The following ZFP1 variants were observed in gnomAD, a reference collection of about 807,000 sequenced individuals.
ZFP1 encodes ZFP1 zinc finger protein.
A neutral mutation model predicts 38.5 loss-of-function variants in ZFP1; 32 were observed. The observed-to-expected ratio is 0.83, with a 90% CI of 0.63 to 1.12. The LOEUF is 1.12. ZFP1 is among the 50% of genes most tolerant of loss of function. The pLI, the probability that ZFP1 is intolerant of heterozygous loss-of-function variation, is 0.00. For missense variants in ZFP1, 616 were observed against 480.8 expected (o/e 1.28, Z -2.63); for synonymous variants, 245 against 168.8 (o/e 1.45, Z -3.50).
the ZFP1 span, among the ~76,000 whole-genome samples, chr16:75,122,489 G>T: frequency 6.6e-6 from 1 of 152,174 alleles, no homozygotes; most frequent in African/African-American, 2.4e-5. Context: ...AAGCTAGGGG[G>T]CAAAGAGAAC....
chr16:75,123,016 A>G, the ZFP1 span, among the ~76,000 whole-genome samples: 1 of 152,204 alleles, frequency 6.6e-6, no homozygotes, highest in Non-Finnish European at 1.5e-5. Flanking sequence ...TTTTGAATCT[A>G]AAGTTAAATA....
chr16:75,161,321 G>C (rs1205646469), intron 2 of ZFP1, among the ~76,000 whole-genome samples: 1 of 151,736 alleles, frequency 6.6e-6, no homozygotes, highest in Non-Finnish European at 1.5e-5. Flanking sequence ...TCCCCGCCTC[G>C]GCCTCTCAAA....
At chr16:75,134,179 T>G in the ZFP1 span, among the ~76,000 whole-genome samples, 1 of 152,222 alleles carries the variant, frequency 6.6e-6, no homozygotes, top group Non-Finnish European at 1.5e-5. Context: ...CGGTGATGGT[T>G]GTGCAATATT....
the ZFP1 span, among the ~76,000 whole-genome samples, chr16:75,130,737 C>G: frequency 6.6e-6 from 1 of 152,098 alleles, no homozygotes; most frequent in Non-Finnish European, 1.5e-5. Context: ...GGAGCCTTCT[C>G]TTGCCCTGTT....
chr16:75,133,281 C>G, the ZFP1 span, among the ~76,000 whole-genome samples: 3 of 151,972 alleles, frequency 2.0e-5, no homozygotes, highest in East Asian at 5.8e-4. Context: ...TGGCCTTTAA[C>G]TTTTATTTTA....
rs1344460386 is a variant in ZFP1, at chr16:75,170,139, G to A, written c.1029G>A (p.Met343Ile). The change falls in exon 4 of 4, where the codon ATG (methionine) becomes ATA (isoleucine). Residue 343 changes from methionine (M) to isoleucine (I), a missense_variant. Met to Ile is a conservative substitution (Grantham distance 10). Coordinates refer to ENST00000570010, the MANE Select transcript of ZFP1 (RefSeq NM_153688.4). Reference sequence around the variant, plus strand: ...AGAACTCACAGCTCATCATACACATGAGAACTCATACAGGAGAGAAACCCT... The same window carrying A: ...AGAACTCACAGCTCATCATACACATAAGAACTCATACAGGAGAGAAACCCT... ...FIQNSQLIIH[M>I]RTHTGEKPYE... is the part of the protein sequence containing the mutation. The A allele has an allele frequency of 6.2e-7, 1 of 1,613,952 alleles. No individual in the cohort carries two copies. Among genetic ancestry groups the A allele is most frequent in the Non-Finnish European group, 8.5e-7 (1 of 1,179,980 alleles).
rs1344293752 is a variant in ZFP1, at chr16:75,161,772, A to ATT, written c.16-4997_16-4996insTT. 3.9e-3 allele frequency among the ~76,000 whole-genome samples: 28 copies of ATT among 7,244 alleles called. 1 individual carries two copies. Among genetic ancestry groups the ATT allele is most frequent in the African/African-American group, 8.6e-3 (23 of 2,670 alleles). 4.8% of individuals were successfully genotyped at this position (7,244 alleles called of 152,430 possible). On this transcript the variant is annotated intron_variant, in intron 2 of 3. Transcript: ENST00000570010. ...AGTTTTATGAAATATATATATATATATATTTTTTTTTTTTTTTTTTTTTTT... is the reference window on the plus strand; with the variant it reads ...AGTTTTATGAAATATATATATATATATTTATTTTTTTTTTTTTTTTTTTTTTT...
chr16:75,166,353 T>C (rs2038081413), intron 2 of ZFP1, among the ~76,000 whole-genome samples: 1 of 152,032 alleles, frequency 6.6e-6, no homozygotes, highest in African/African-American at 2.4e-5. Context: ...CTGTCTCAGC[T>C]CCCCCACGTA....
rs909307434 is a variant in ZFP1, at chr16:75,163,289, G to A, written c.16-3481G>A. Among the ~76,000 whole-genome samples the A allele has an allele frequency of 9.2e-5, 14 of 151,462 alleles. No individual in the cohort carries two copies. In the East Asian group the frequency reaches 2.2e-3, roughly 23 times the overall value. On this transcript the variant is annotated intron_variant, in intron 2 of 3. Coordinates refer to ENST00000570010, the MANE Select transcript of ZFP1 (RefSeq NM_153688.4). ...TATGAGGATCTGCCCTCCCCAGCGT[G>A]CATTGTTGTTTTTTTTGTTTTGTTT...
chr16:75,124,576 G>A, the ZFP1 span, among the ~76,000 whole-genome samples: 42 of 150,410 alleles, frequency 2.8e-4, no homozygotes, highest in African/African-American at 8.5e-4. Flanking sequence ...GAGGTCAGGA[G>A]ATCGAGACCA....
At chr16:75,126,976 A>G in the ZFP1 span, among the ~76,000 whole-genome samples, 5 of 152,168 alleles carry the variant, frequency 3.3e-5, no homozygotes, top group African/African-American at 1.2e-4. Flanking sequence ...TGTTATTGGT[A>G]TGTGTCCCAA....
chr16:75,163,657 G>T (rs1347174810), intron 2 of ZFP1, among the ~76,000 whole-genome samples: 2 of 151,424 alleles, frequency 1.3e-5, no homozygotes, highest in Non-Finnish European at 2.9e-5. Context: ...TGTCTCCAGG[G>T]CTGAAGTGCA....
chr16:75,153,702 C>G (rs2037324835), intron 2 of ZFP1, among the ~76,000 whole-genome samples: 1 of 152,068 alleles, frequency 6.6e-6, no homozygotes, highest in East Asian at 1.9e-4. Context: ...AATATTGATA[C>G]TTTAAAGACC....
intron 2 of ZFP1, among the ~76,000 whole-genome samples, chr16:75,161,774 ATTTT>A (rs200925992): frequency 1.3e-4 from 1 of 7,820 alleles, no homozygotes; most frequent in South Asian, 5.4e-3. Context: ...ATATATATAT[ATTTT>A]TTTTTTTTTT....
chr16:75,127,301 G>C, the ZFP1 span, among the ~76,000 whole-genome samples: 1 of 152,044 alleles, frequency 6.6e-6, no homozygotes, highest in Non-Finnish European at 1.5e-5. Flanking sequence ...TCAGGCTGGA[G>C]TGCAGTGGCA....
At chr16:75,147,516 G>A (rs146710935), upstream of ZFP1, among the ~76,000 whole-genome samples, 411 of 150,544 alleles carry the variant, frequency 2.7e-3, 2 homozygotes, top group African/African-American at 9.3e-3. Flanking sequence ...CAAATTCCTC[G>A]GCTCAAGCAA....
At chr16:75,124,810 A>G in the ZFP1 span, among the ~76,000 whole-genome samples, 3 of 148,924 alleles carry the variant, frequency 2.0e-5, no homozygotes, top group Non-Finnish European at 4.5e-5. Flanking sequence ...AAAGCAAGGT[A>G]AAAGGAACCA....
chr16:75,147,452 A>ATTTT (rs34096115), upstream of ZFP1, among the ~76,000 whole-genome samples: 2 of 140,936 alleles, frequency 1.4e-5, no homozygotes, highest in African/African-American at 5.2e-5. Context: ...TAATTTTTGT[A>ATTTT]TTTTTTTTTT....
chr16:75,120,121 C>A, the ZFP1 span, among the ~76,000 whole-genome samples: 1 of 151,976 alleles, frequency 6.6e-6, no homozygotes, highest in African/African-American at 2.4e-5. Flanking sequence ...AAGCTAACAT[C>A]GAAGATGTGC....
Sources: allele counts gnomAD v4.1 joint callset (sites outside exome capture counted in the v4.1 genomes callset), GRCh38; gene constraint gnomAD v4.1.1; transcripts MANE v1.5; gene names NCBI Gene and HGNC (gene_info 2026-07-23, HGNC 2026-07-21).